Variants in ADAM12 observed in about 807,000 individuals in gnomAD.
ADAM12 encodes the protein ADAM metallopeptidase domain 12.
ADAM12 carries 70 observed loss-of-function variants against 106.4 expected under a neutral mutation model. That is an observed-to-expected ratio of 0.66 (90% CI 0.54 to 0.80). The LOEUF (loss-of-function observed/expected upper bound fraction) is 0.80. Among genes scored for constraint, ADAM12 ranks in the 30% least tolerant of loss-of-function variants. The pLI is 0.00. For synonymous variants in ADAM12, 420 were observed against 433.5 expected (o/e 0.97, Z 0.39); for missense variants, 1,010 against 1,171.9 (o/e 0.86, Z 2.02).
At chr10:126,262,568 A>G (rs932733883) in intron 3 of ADAM12, among the ~76,000 whole-genome samples, 3 of 152,204 alleles carry the variant, frequency 2.0e-5, no homozygotes, top group African/African-American at 7.2e-5. Context: ...CCAAAAAATA[A>G]TGTTTTATTT....
chr10:126,111,626 T>G (rs575984146), intron 6 of ADAM12, among the ~76,000 whole-genome samples: 1 of 152,332 alleles, frequency 6.6e-6, no homozygotes, highest in African/African-American at 2.4e-5. Context: ...ATGGGATATT[T>G]CCAACTGGCT....
At chr10:126,334,090 A>G (rs1387975604) in intron 1 of ADAM12, among the ~76,000 whole-genome samples, 5 of 152,192 alleles carry the variant, frequency 3.3e-5, no homozygotes, top group Non-Finnish European at 7.3e-5. Context: ...CTTTTAGATG[A>G]TGCAAATAAA....
At chr10:126,083,940 C>G (rs898075755) in intron 11 of ADAM12, among the ~76,000 whole-genome samples, 1 of 152,192 alleles carries the variant, frequency 6.6e-6, no homozygotes, top group Non-Finnish European at 1.5e-5. Context: ...TATAACTGGA[C>G]GCTGAGCCAG....
chr10:126,375,708 A>AC (rs1192935198), intron 1 of ADAM12, among the ~76,000 whole-genome samples: 6 of 148,500 alleles, frequency 4.0e-5, no homozygotes, highest in African/African-American at 1.5e-4. Context: ...AAAAAAAAAA[A>AC]AAACAAGGAG....
In ADAM12 at chr10:126,285,712, T is replaced by C. The variant is rs1959823787; in HGVS notation, c.187-6724A>G. On this transcript the variant is annotated intron_variant, in intron 2 of 22. Transcript: ENST00000448723. ...AACTCATCAGACACTCTATCCTCAG[T>C]GCACATGTGCTCACAGGAGGCAAGT... Among the ~76,000 whole-genome samples the C allele has an allele frequency of 3.3e-5, 5 of 152,324 alleles. No homozygotes were observed. In the South Asian group the frequency reaches 1.0e-3, roughly 32 times the overall value.
At chr10:126,083,800 T>C (rs1478244123) in intron 11 of ADAM12, among the ~76,000 whole-genome samples, 1 of 152,224 alleles carries the variant, frequency 6.6e-6, no homozygotes, top group African/African-American at 2.4e-5. Flanking sequence ...GTCAGCCCAC[T>C]CTGCCTGCCC....
intron 3 of ADAM12, among the ~76,000 whole-genome samples, chr10:126,233,848 T>C (rs918023371): frequency 1.3e-5 from 2 of 152,210 alleles, no homozygotes; most frequent in Non-Finnish European, 2.9e-5. Context: ...AAGTGGCAAC[T>C]GTGTTTACAT....
intron 1 of ADAM12, among the ~76,000 whole-genome samples, chr10:126,379,600 G>A (rs556704669): frequency 1.3e-5 from 2 of 152,146 alleles, no homozygotes; most frequent in African/African-American, 2.4e-5. Flanking sequence ...TGTAGATGAC[G>A]GGTTGATGGG....
intron 2 of ADAM12, among the ~76,000 whole-genome samples, chr10:126,306,393 T>C (rs1319127472): frequency 1.3e-5 from 2 of 152,140 alleles, no homozygotes; most frequent in Admixed American, 6.5e-5. Flanking sequence ...CTTATCCATA[T>C]GTTGTAAAGC....
Position 126,323,509 on chromosome 10 carries a change from G to A in ADAM12, c.186+6903C>T, listed in dbSNP as rs180736111. Among the ~76,000 whole-genome samples, 28 of 152,276 alleles carry A rather than the reference G, an allele frequency of 1.8e-4. No individual in the cohort carries two copies. In the East Asian group the frequency reaches 5.0e-3, roughly 27 times the overall value. ...AGGTAGGAAACATCTAAAAAGTTGTGGTAGTCAGAGTGGTTTGCAAGGCTC... is the reference window on the plus strand; with the variant it reads ...AGGTAGGAAACATCTAAAAAGTTGTAGTAGTCAGAGTGGTTTGCAAGGCTC... On this transcript the variant is annotated intron_variant, in intron 2 of 22. Coordinates refer to ENST00000448723, the MANE Select transcript of ADAM12 (RefSeq NM_001288973.2).
At chr10:126,200,358 C>T (rs192624760) in intron 3 of ADAM12, among the ~76,000 whole-genome samples, 1 of 152,274 alleles carries the variant, frequency 6.6e-6, no homozygotes, top group Admixed American at 6.5e-5. Flanking sequence ...CAAGTATGGT[C>T]TCAAGGCTCA....
chr10:126,071,198 C>CT lies in ADAM12; in HGVS notation c.1323+278dup, dbSNP rs55918728. Among the ~76,000 whole-genome samples, 19 of 152,088 alleles carry CT rather than the reference C, an allele frequency of 1.2e-4. No individual in the cohort carries two copies. In the East Asian group the frequency reaches 1.9e-3, roughly 15 times the overall value. On this transcript the variant is annotated intron_variant, in intron 12 of 22. Transcript: ENST00000448723. ...TCTCTGTCAAACTCAAAGCTAAACA[C>CT]TTTTTTTTATTGTTTTTGGCCTCAT...
chr10:126,282,173 C>T (rs1280541758), intron 2 of ADAM12, among the ~76,000 whole-genome samples: 1 of 152,158 alleles, frequency 6.6e-6, no homozygotes, highest in Non-Finnish European at 1.5e-5. Context: ...TTACTGTGTC[C>T]ACAGATGGCC....
chr10:126,328,577 G>A (rs1432278593), intron 2 of ADAM12, among the ~76,000 whole-genome samples: 2 of 152,114 alleles, frequency 1.3e-5, no homozygotes, highest in Non-Finnish European at 2.9e-5. Context: ...ACAAGCTTTC[G>A]GGGTTACCCA....
Position 126,058,274 on chromosome 10 carries a change from C to T in ADAM12, c.1609+6532G>A, listed in dbSNP as rs74158099. ...GGGCCAGCGCATAGCAGATGTGTTC[C>T]AAGAACGAATGAGTGAAAAGCCATT... On this transcript the variant is annotated intron_variant, in intron 14 of 22. Transcript: ENST00000448723. Among the ~76,000 whole-genome samples the T allele has an allele frequency of 5.3e-3, 807 of 152,356 alleles. 11 individuals are homozygous for T. The highest frequency in any genetic ancestry group is 0.019 in the African/African-American group (772 of 41,590).
chr10:126,162,102 A>T (rs574799171), intron 3 of ADAM12, among the ~76,000 whole-genome samples: 5 of 152,164 alleles, frequency 3.3e-5, no homozygotes, highest in Non-Finnish European at 7.3e-5. Flanking sequence ...TGGGAATAAG[A>T]TGCTCCAGGA....
At chr10:126,274,530 T>C (rs1220743003) in intron 3 of ADAM12, among the ~76,000 whole-genome samples, 1 of 152,220 alleles carries the variant, frequency 6.6e-6, no homozygotes, top group Non-Finnish European at 1.5e-5. Flanking sequence ...TCTCACCTTG[T>C]TAGTTTTGGC....
intron 3 of ADAM12, among the ~76,000 whole-genome samples, chr10:126,272,442 A>T (rs1959182492): frequency 6.6e-6 from 1 of 152,162 alleles, no homozygotes; most frequent in Admixed American, 6.5e-5. Flanking sequence ...ATAACTTTTG[A>T]TCTTGGGAGG....
intron 3 of ADAM12, 101 bp from the exon 4 acceptor site, chr10:126,155,406 T>A: frequency 1.2e-6 from 1 of 827,826 alleles, no homozygotes; most frequent in Non-Finnish European, 1.8e-6. Context: ...GTGACCTCCT[T>A]TTTTTTTTTT....
Sources: gnomAD v4.1 joint callset for allele counts (sites outside exome capture counted in the v4.1 genomes callset) on GRCh38, gnomAD v4.1.1 for gene constraint, MANE v1.5 for transcripts, NCBI Gene and HGNC (gene_info 2026-07-23, HGNC 2026-07-21) for gene names.